Variants in EPB41L2 observed in about 807,000 individuals in gnomAD.
The protein encoded by EPB41L2 is erythrocyte membrane protein band 4.1 like 2.
Under a neutral mutation model 113.0 loss-of-function variants are expected in EPB41L2, and 43 were observed. That is an observed-to-expected ratio of 0.38 (90% CI 0.30 to 0.49). The LOEUF is 0.49. Among genes scored for constraint, EPB41L2 ranks in the 20% least tolerant of loss-of-function variants. EPB41L2 has a pLI of 0.95. For synonymous variants in EPB41L2, 442 were observed against 436.7 expected (o/e 1.01, Z -0.15); for missense variants, 1,147 against 1,223.4 (o/e 0.94, Z 0.93).
At chr6:130,930,860 G>A (rs2128561080) in intron 3 of EPB41L2, among the ~76,000 whole-genome samples, 1 of 152,108 alleles carries the variant, frequency 6.6e-6, no homozygotes, top group South Asian at 2.1e-4. Context: ...TTTAAAATAT[G>A]ACTAAGGAAA....
At chr6:130,865,205 A>G (rs1327921225) in intron 17 of EPB41L2, among the ~76,000 whole-genome samples, 1 of 152,260 alleles carries the variant, frequency 6.6e-6, no homozygotes, top group African/African-American at 2.4e-5. Flanking sequence ...CATTCGCTTT[A>G]GTCAGGAGGG....
At chr6:130,981,531 T>C (rs1227312615) in intron 1 of EPB41L2, among the ~76,000 whole-genome samples, 1 of 152,206 alleles carries the variant, frequency 6.6e-6, no homozygotes, top group Non-Finnish European at 1.5e-5. Context: ...ACTCCTTTTA[T>C]AGGGTTGAAT....
In EPB41L2 at chr6:130,873,310, T is replaced by C. The variant is rs534027789; in HGVS notation, c.2044-3184A>G. 8.5e-5 allele frequency among the ~76,000 whole-genome samples: 13 copies of C among 152,308 alleles called. No homozygotes were observed. The East Asian group carries it at 2.3e-3, about 27-fold the overall frequency. On this transcript the variant is annotated intron_variant, in intron 14 of 19. Coordinates refer to ENST00000337057, the MANE Select transcript of EPB41L2 (RefSeq NM_001431.4). The stretch of plus-strand genomic sequence containing the variant: ...TTAAACCATTAAAGCAAATTTAACT[T>C]TGCTGTGTCTGGCTCTTAAACAATG...
At chr6:131,060,474 T>A (rs1410133098) in intron 1 of EPB41L2, among the ~76,000 whole-genome samples, 1 of 152,252 alleles carries the variant, frequency 6.6e-6, no homozygotes, top group African/African-American at 2.4e-5. Flanking sequence ...CACGTGGACA[T>A]GGTTCTGATT....
At chr6:130,945,447 A>C (rs951216867) in intron 3 of EPB41L2, among the ~76,000 whole-genome samples, 1 of 152,186 alleles carries the variant, frequency 6.6e-6, no homozygotes, top group Non-Finnish European at 1.5e-5. Flanking sequence ...ACTAAGAAAA[A>C]ACGGTACTGA....
chr6:130,933,706 A>T (rs1458732102), intron 3 of EPB41L2, among the ~76,000 whole-genome samples: 1 of 152,228 alleles, frequency 6.6e-6, no homozygotes, highest in Non-Finnish European at 1.5e-5. Context: ...CTGCAGATGC[A>T]GCCCAAGGAA....
intron 1 of EPB41L2, among the ~76,000 whole-genome samples, chr6:131,022,236 T>C (rs535401007): frequency 9.9e-5 from 15 of 152,254 alleles, no homozygotes; most frequent in Admixed American, 3.3e-4. Flanking sequence ...CTAATGCCAC[T>C]GACAAGAGGC....
intron 1 of EPB41L2, among the ~76,000 whole-genome samples, chr6:130,993,276 A>C (rs188199982): frequency 6.6e-6 from 1 of 152,302 alleles, no homozygotes; most frequent in East Asian, 1.9e-4. Context: ...AATGACATCT[A>C]GTGGCTATAG....
At chr6:130,854,129 G>C (rs1479670332) in intron 19 of EPB41L2, among the ~76,000 whole-genome samples, 1 of 152,160 alleles carries the variant, frequency 6.6e-6, no homozygotes. Flanking sequence ...GATAGTTCAA[G>C]TCTCCTATTT....
intron 3 of EPB41L2, among the ~76,000 whole-genome samples, chr6:130,944,158 TACATACACACACATACAC>T (rs1472569306): frequency 1.4e-5 from 2 of 146,390 alleles, no homozygotes; most frequent in African/African-American, 5.1e-5. Context: ...TATATATACG[TACATACACACACATACAC>T]ACACACACAC....
Position 130,841,119 on chromosome 6 carries a change from A to G in EPB41L2, c.*6-521T>C, listed in dbSNP as rs191318469. Reference sequence around the variant, plus strand: ...GGAATAGGACGGTGAAGAAAGGGACATTACTAAAGTTGAGCATTGGTATAG... The same window carrying G: ...GGAATAGGACGGTGAAGAAAGGGACGTTACTAAAGTTGAGCATTGGTATAG... On this transcript the variant is annotated intron_variant, in intron 19 of 19. Coordinates refer to ENST00000337057, the MANE Select transcript of EPB41L2 (RefSeq NM_001431.4). 1.4e-3 allele frequency among the ~76,000 whole-genome samples: 219 copies of G among 152,040 alleles called. 2 individuals carry two copies. Among genetic ancestry groups the G allele is most frequent in the Admixed American group, 0.012 (179 of 15,258 alleles).
At chr6:131,007,671 C>G (rs2128721270) in intron 1 of EPB41L2, among the ~76,000 whole-genome samples, 1 of 152,212 alleles carries the variant, frequency 6.6e-6, no homozygotes, top group East Asian at 1.9e-4. Context: ...GAGGTGGTCT[C>G]AGATGGAGAT....
chr6:130,989,294 C>T (rs1781288170), intron 1 of EPB41L2, among the ~76,000 whole-genome samples: 1 of 152,170 alleles, frequency 6.6e-6, no homozygotes, highest in African/African-American at 2.4e-5. Context: ...TCTCTACTTG[C>T]CTTTCTCCCC....
intron 19 of EPB41L2, among the ~76,000 whole-genome samples, chr6:130,851,205 G>A (rs1317388683): frequency 6.6e-6 from 1 of 152,182 alleles, no homozygotes; most frequent in Admixed American, 6.5e-5. Context: ...ACTCATCAGG[G>A]CCCACATGTA....
chr6:130,843,690 T>C (rs1377591884), intron 19 of EPB41L2, among the ~76,000 whole-genome samples: 1 of 152,248 alleles, frequency 6.6e-6, no homozygotes, highest in East Asian at 1.9e-4. Context: ...CACCCTGGCC[T>C]ATACAATGTC....
chr6:130,951,583 C>G (rs1405609388), intron 3 of EPB41L2, among the ~76,000 whole-genome samples: 1 of 151,766 alleles, frequency 6.6e-6, no homozygotes, highest in Non-Finnish European at 1.5e-5. Context: ...CTCAGCCTCC[C>G]AAAGTGCTAG....
intron 1 of EPB41L2, among the ~76,000 whole-genome samples, chr6:130,988,729 T>C (rs9483203): frequency 0.83 from 126,213 of 152,152 alleles, 52,859 homozygotes; most frequent in East Asian, 1. Context: ...ATCTCAGTGG[T>C]AAACTAATCT....
At chr6:131,056,131 A>AT in intron 1 of EPB41L2, among the ~76,000 whole-genome samples, 1 of 152,258 alleles carries the variant, frequency 6.6e-6, no homozygotes, top group African/African-American at 2.4e-5. Flanking sequence ...AAGTTAAAAC[A>AT]CGATGTTGCT....
chr6:130,983,185 C>G (rs1779772352), intron 1 of EPB41L2, among the ~76,000 whole-genome samples: 1 of 152,208 alleles, frequency 6.6e-6, no homozygotes, highest in Non-Finnish European at 1.5e-5. Context: ...AAACCAGGAA[C>G]CGCAAATGAA....
Sources: allele counts gnomAD v4.1 joint callset (sites outside exome capture counted in the v4.1 genomes callset), GRCh38; gene constraint gnomAD v4.1.1; transcripts MANE v1.5; gene names NCBI Gene and HGNC (gene_info 2026-07-23, HGNC 2026-07-21).